NALF1: variants seen among roughly 807,000 people sequenced by gnomAD.
NALF1 encodes NALCN channel auxiliary factor 1.
A neutral mutation model predicts 48.4 loss-of-function variants in NALF1; 3 were observed. The ratio of observed to expected loss-of-function variants is 0.06; its 90% CI spans 0.03 to 0.16. The LOEUF (loss-of-function observed/expected upper bound fraction) is 0.16. NALF1 is among the 10% of genes least tolerant of loss of function. NALF1 has a pLI of 1.00. For synonymous variants in NALF1, 262 were observed against 245.7 expected, an observed-to-expected ratio of 1.07 and a Z score of -0.62; for missense variants, 526 against 571.5, an observed-to-expected ratio of 0.92 and a Z score of 0.81.
At chr13:107,391,764 C>T (rs887726453) in intron 1 of NALF1, among the ~76,000 whole-genome samples, 8 of 152,116 alleles carry the variant, frequency 5.3e-5, no homozygotes, top group African/African-American at 1.2e-4. Flanking sequence ...GCCCTGCCCC[C>T]GCTTTGAGTT....
intron 1 of NALF1, among the ~76,000 whole-genome samples, chr13:107,586,975 ATCTTATGAATC>A (rs1372065124): frequency 2.6e-5 from 4 of 152,170 alleles, no homozygotes; most frequent in Middle Eastern, 3.4e-3. Flanking sequence ...GATTAGATAA[ATCTTATGAATC>A]TCTTTATTTG....
chr13:107,720,728 G>A (rs1202485359), intron 1 of NALF1, among the ~76,000 whole-genome samples: 1 of 152,110 alleles, frequency 6.6e-6, no homozygotes, highest in East Asian at 1.9e-4. Flanking sequence ...TTACCCAACT[G>A]CCTGCACTGT....
rs571362314 is a variant in NALF1 at position 107,349,185 on chromosome 13, A to T, written c.916-138430T>A. Among the ~76,000 whole-genome samples, 3 of 152,338 alleles carry T rather than the reference A, an allele frequency of 2.0e-5. No individual in the cohort carries two copies. In the East Asian group the frequency reaches 5.8e-4, roughly 29 times the overall value. On this transcript the variant is annotated intron_variant, in intron 1 of 2. Transcript: ENST00000375915. ...TACATTTTCTAGCCTGTGCATTTTC[A>T]GATATTTCGAAAGAGAAAAATCGCT... is the stretch of plus-strand genomic sequence containing the variant.
intron 1 of NALF1, among the ~76,000 whole-genome samples, chr13:107,474,937 C>T (rs2139055650): frequency 6.6e-6 from 1 of 152,252 alleles, no homozygotes; most frequent in Middle Eastern, 3.4e-3. Flanking sequence ...AGTTTGAAAG[C>T]TTTCTGGTTC....
rs61967472 is a variant in NALF1 at position 107,822,548 on chromosome 13, A to T, written c.915+43134T>A. Among the ~76,000 whole-genome samples the T allele has an allele frequency of 4.6e-3, 701 of 152,292 alleles. 6 individuals carry two copies. Among genetic ancestry groups the T allele is most frequent in the Non-Finnish European group, 7.1e-3 (481 of 68,018 alleles). On this transcript the variant is annotated intron_variant, in intron 1 of 2. Transcript: ENST00000375915. ...ATTCCACTACACACCCCAAAATGAGAACTACTGCTTTATCATATAAGCAGG... is the reference window on the plus strand; with the variant it reads ...ATTCCACTACACACCCCAAAATGAGTACTACTGCTTTATCATATAAGCAGG...
chr13:107,635,831 T>C (rs1227684928), intron 1 of NALF1, among the ~76,000 whole-genome samples: 7 of 152,110 alleles, frequency 4.6e-5, no homozygotes, highest in Admixed American at 2.0e-4. Flanking sequence ...AGTTAATTGA[T>C]TGGCTTGAAT....
At chr13:107,310,460 T>C (rs995434275) in intron 1 of NALF1, among the ~76,000 whole-genome samples, 1 of 151,794 alleles carries the variant, frequency 6.6e-6, no homozygotes, top group African/African-American at 2.4e-5. Context: ...AAATAAGTAG[T>C]TTTATTTTCA....
chr13:107,775,283 C>T (rs1238229689), intron 1 of NALF1, among the ~76,000 whole-genome samples: 1 of 146,580 alleles, frequency 6.8e-6, no homozygotes, highest in African/African-American at 2.5e-5. Flanking sequence ...TCAATTCCCA[C>T]CTATGAGTGA....
At chr13:107,745,162 A>G (rs1040386700) in intron 1 of NALF1, among the ~76,000 whole-genome samples, 2 of 152,252 alleles carry the variant, frequency 1.3e-5, no homozygotes, top group Non-Finnish European at 2.9e-5. Flanking sequence ...ACTAAAACTT[A>G]AACAAAATAG....
At chr13:107,312,070 T>G (rs9514654) in intron 1 of NALF1, among the ~76,000 whole-genome samples, 55,491 of 152,028 alleles carry the variant, frequency 0.37, 11,896 homozygotes, top group South Asian at 0.56. Context: ...TCCCATTACT[T>G]GGTATAAATC....
intron 1 of NALF1, among the ~76,000 whole-genome samples, chr13:107,804,945 T>C (rs999850874): frequency 2.0e-5 from 3 of 152,188 alleles, no homozygotes; most frequent in Admixed American, 6.5e-5. Context: ...TCATAATTAT[T>C]TTGCTTCAAA....
chr13:107,496,861 T>C (rs555105822), intron 1 of NALF1, among the ~76,000 whole-genome samples: 17 of 152,102 alleles, frequency 1.1e-4, no homozygotes, highest in Non-Finnish European at 2.4e-4. Flanking sequence ...TGAGACTTAT[T>C]CACTATCACG....
chr13:107,219,659 C>T (rs1879950530), intron 1 of NALF1, among the ~76,000 whole-genome samples: 1 of 152,186 alleles, frequency 6.6e-6, no homozygotes, highest in African/African-American at 2.4e-5. Flanking sequence ...AATCTACAAT[C>T]TATTTAGAAA....
chr13:107,212,185 A>T (rs939501107), intron 1 of NALF1, among the ~76,000 whole-genome samples: 3 of 152,236 alleles, frequency 2.0e-5, no homozygotes, highest in African/African-American at 4.8e-5. Context: ...TAGGTTGATC[A>T]AAATGACGCT....
chr13:107,566,113 C>T (rs1286674927), intron 1 of NALF1, among the ~76,000 whole-genome samples: 2 of 152,028 alleles, frequency 1.3e-5, no homozygotes, highest in Admixed American at 6.5e-5. Context: ...TGTTGAAAGG[C>T]ATTTCTCACC....
At chr13:107,783,157 C>A (rs1209723095) in intron 1 of NALF1, among the ~76,000 whole-genome samples, 3 of 139,134 alleles carry the variant, frequency 2.2e-5, no homozygotes, top group African/African-American at 8.1e-5. Flanking sequence ...AGGAGCCCCT[C>A]TGCCCGGCCA....
In NALF1 at chr13:107,501,351, T is replaced by C. The variant is rs553649568; in HGVS notation, c.916-290596A>G. 9.9e-5 allele frequency among the ~76,000 whole-genome samples: 15 copies of C among 152,230 alleles called. No homozygotes were observed. In the South Asian group the frequency reaches 1.7e-3, roughly 17 times the overall value. Reference sequence around the variant, plus strand: ...AACCCAGGCAAATGCATTCAGAATATAGCAATGCCTAACTTTACTTTGCTG... The same window carrying C: ...AACCCAGGCAAATGCATTCAGAATACAGCAATGCCTAACTTTACTTTGCTG... On this transcript the variant is annotated intron_variant, in intron 1 of 2. Coordinates refer to ENST00000375915, the MANE Select transcript of NALF1 (RefSeq NM_001080396.3).
chr13:107,659,414 G>A (rs1440575925), intron 1 of NALF1, among the ~76,000 whole-genome samples: 1 of 151,910 alleles, frequency 6.6e-6, no homozygotes, highest in African/African-American at 2.4e-5. Context: ...CATTTAAAAA[G>A]TTTAGATCTA....
chr13:107,567,154 A>G (rs1053179990), intron 1 of NALF1, among the ~76,000 whole-genome samples: 1 of 152,226 alleles, frequency 6.6e-6, no homozygotes, highest in African/African-American at 2.4e-5. Flanking sequence ...TAACGTAGTT[A>G]AAATTATTTT....
Sources: allele counts gnomAD v4.1 joint callset (sites outside exome capture counted in the v4.1 genomes callset), GRCh38; gene constraint gnomAD v4.1.1; transcripts MANE v1.5; gene names NCBI Gene and HGNC (gene_info 2026-07-23, HGNC 2026-07-21).